The following GRIP1 variants were observed in gnomAD, a reference collection of about 807,000 sequenced individuals.
GRIP1 encodes glutamate receptor interacting protein 1, also known as glutamate receptor-interacting protein 1.
Under a neutral mutation model 129.9 loss-of-function variants are expected in GRIP1, and 45 were observed. That is an observed-to-expected ratio of 0.35 (90% CI 0.27 to 0.44). The LOEUF is 0.44. Ranked by LOEUF, GRIP1 falls within the 20% of genes least tolerant of loss-of-function variation. The pLI, the probability that GRIP1 is intolerant of heterozygous loss-of-function variation, is 1.00. For synonymous variants in GRIP1, 530 were observed against 520.8 expected, an observed-to-expected ratio of 1.02 and a Z score of -0.24; for missense variants, 1,196 against 1,396.8, an observed-to-expected ratio of 0.86 and a Z score of 2.29.
intron 1 of GRIP1, among the ~76,000 whole-genome samples, chr12:66,691,274 G>A (rs1051718823): frequency 5.3e-5 from 8 of 152,122 alleles, no homozygotes; most frequent in Non-Finnish European, 1.2e-4. Context: ...TGGTCCTGGT[G>A]GAAGGCAAAA....
At chr12:67,035,498 A>C (rs2043082189) in intron 1 of GRIP1, 1 of 152,198 alleles carries the variant, frequency 6.6e-6, no homozygotes, top group East Asian at 1.9e-4. Flanking sequence ...TAGATGTGCA[A>C]ATGTACCCTG....
intron 14 of GRIP1, among the ~76,000 whole-genome samples, chr12:66,431,185 A>C (rs2058137005): frequency 6.6e-6 from 1 of 152,198 alleles, no homozygotes; most frequent in African/African-American, 2.4e-5. Context: ...TAGTAGCCCT[A>C]GTTGTTGACA....
chr12:66,458,533 C>T (rs567234830), intron 9 of GRIP1, among the ~76,000 whole-genome samples: 10 of 152,230 alleles, frequency 6.6e-5, no homozygotes, highest in African/African-American at 2.4e-4. Context: ...TATAGGTGCC[C>T]ACCACCACGC....
At chr12:66,604,162 AC>A (rs1479762045) in intron 1 of GRIP1, among the ~76,000 whole-genome samples, 2 of 152,152 alleles carry the variant, frequency 1.3e-5, no homozygotes, top group Non-Finnish European at 2.9e-5. Flanking sequence ...ACAGGGACAA[AC>A]AGAACTGCGA....
intron 1 of GRIP1, among the ~76,000 whole-genome samples, chr12:66,909,735 C>G (rs1386336213): frequency 6.6e-6 from 1 of 152,144 alleles, no homozygotes; most frequent in Non-Finnish European, 1.5e-5. Context: ...TCTTTTGGCT[C>G]CTTTTCTTTC....
chr12:67,014,737 A>T (rs1592468593), intron 1 of GRIP1, among the ~76,000 whole-genome samples: 1 of 152,148 alleles, frequency 6.6e-6, no homozygotes, highest in South Asian at 2.1e-4. Flanking sequence ...AAGGCTGCCT[A>T]ATTTTGTTTA....
In GRIP1 at chr12:66,661,473, A is replaced by G. The variant is rs1036061650; in HGVS notation, c.55+17377T>C. Among the ~76,000 whole-genome samples the G allele has an allele frequency of 1.6e-3, 117 of 74,370 alleles. 7 individuals are homozygous for G. Among genetic ancestry groups the G allele is most frequent in the African/African-American group, 4.4e-3 (70 of 15,982 alleles). 48.8% of individuals were successfully genotyped at this position (74,370 alleles called of 152,430 possible). On this transcript the variant is annotated intron_variant, in intron 1 of 24. Coordinates refer to ENST00000359742, the MANE Select transcript of GRIP1 (RefSeq NM_001366722.1). Reference sequence around the variant, plus strand: ...TTAGATTTTGGCAAAAAAAAAAAAAAGGTGGAGGGGAGATGGGAAAAAAAA... The same window carrying G: ...TTAGATTTTGGCAAAAAAAAAAAAAGGGTGGAGGGGAGATGGGAAAAAAAA...
rs112655764 is a variant in GRIP1, at chr12:66,891,723, C to T, written c.58+177327G>A. Among the ~76,000 whole-genome samples, 373 of 152,262 alleles carry T rather than the reference C, an allele frequency of 2.4e-3. 3 individuals carry two copies. The highest frequency in any genetic ancestry group is 8.5e-3 in the African/African-American group (353 of 41,558). On this transcript the variant is annotated intron_variant, in intron 1 of 1. Coordinates refer to the GRIP1 transcript ENST00000643019. ...AATGCTTTGACATGGAGATTTCCTT[C>T]CTTCTCTCTCATGGGAAAGTACCTT...
chr12:66,904,124 T>G (rs1566072280), intron 1 of GRIP1, among the ~76,000 whole-genome samples: 1 of 152,222 alleles, frequency 6.6e-6, no homozygotes, highest in Non-Finnish European at 1.5e-5. Context: ...TCATACCCTT[T>G]ATATAACAAA....
chr12:66,962,276 A>T (rs1280452507), intron 1 of GRIP1, among the ~76,000 whole-genome samples: 1 of 152,212 alleles, frequency 6.6e-6, no homozygotes, highest in Non-Finnish European at 1.5e-5. Flanking sequence ...ACCTACTAAC[A>T]GGATTAATAT....
intron 2 of GRIP1, among the ~76,000 whole-genome samples, chr12:66,560,696 G>A (rs1178717830): frequency 1.3e-5 from 2 of 152,078 alleles, no homozygotes; most frequent in Admixed American, 1.3e-4. Flanking sequence ...GGAGAAAAGG[G>A]AAGTCTTGTA....
intron 1 of GRIP1, among the ~76,000 whole-genome samples, chr12:66,781,233 T>C (rs970019262): frequency 2.0e-5 from 3 of 152,224 alleles, no homozygotes; most frequent in Non-Finnish European, 4.4e-5. Flanking sequence ...AGTAGCTTAA[T>C]TGATTGGGGT....
At chr12:66,454,582 T>C (rs1160412344) in intron 11 of GRIP1, among the ~76,000 whole-genome samples, 2 of 152,212 alleles carry the variant, frequency 1.3e-5, no homozygotes, top group Non-Finnish European at 2.9e-5. Flanking sequence ...ATTTCTTTCT[T>C]TTTAAGGCAT....
intron 1 of GRIP1, among the ~76,000 whole-genome samples, chr12:66,738,294 A>G (rs937395550): frequency 6.6e-6 from 1 of 150,868 alleles, no homozygotes; most frequent in Admixed American, 6.6e-5. Context: ...ATCTAGGCTC[A>G]CTGCAAGCTC....
At chr12:66,606,567 A>C (rs1163938899) in intron 1 of GRIP1, among the ~76,000 whole-genome samples, 1 of 152,170 alleles carries the variant, frequency 6.6e-6, no homozygotes, top group African/African-American at 2.4e-5. Flanking sequence ...CATGAGTCTA[A>C]ATCCTTTATA....
intron 1 of GRIP1, among the ~76,000 whole-genome samples, chr12:66,633,215 G>GTA (rs111970469): frequency 0.032 from 4,621 of 143,630 alleles, 233 homozygotes; most frequent in African/African-American, 0.11. Flanking sequence ...ATATGTGTGT[G>GTA]TATATATATA....
At chr12:66,512,012 C>T (rs7976952) in intron 7 of GRIP1, among the ~76,000 whole-genome samples, 28,750 of 151,974 alleles carry the variant, frequency 0.19, 2,940 homozygotes, top group East Asian at 0.32. Context: ...CTCACAAGAT[C>T]TGATGGTTTA....
intron 2 of GRIP1, among the ~76,000 whole-genome samples, chr12:66,542,793 T>G (rs959948433): frequency 3.3e-5 from 5 of 152,212 alleles, no homozygotes; most frequent in Non-Finnish European, 7.3e-5. Context: ...ATCTGTGATG[T>G]TATTCCCCTA....
intron 1 of GRIP1, among the ~76,000 whole-genome samples, chr12:67,060,543 G>A (rs553294001): frequency 1.3e-5 from 2 of 152,122 alleles, no homozygotes; most frequent in Non-Finnish European, 2.9e-5. Flanking sequence ...GATGTTGGCC[G>A]GGTGTAGTGG....
Sources: allele counts gnomAD v4.1 joint callset (sites outside exome capture counted in the v4.1 genomes callset), GRCh38; gene constraint gnomAD v4.1.1; transcripts MANE v1.5; gene names NCBI Gene and HGNC (gene_info 2026-07-23, HGNC 2026-07-21).